JAK1: variants seen among roughly 807,000 people sequenced by gnomAD.
The protein encoded by JAK1 is tyrosine-protein kinase JAK1.
In JAK1, 16 loss-of-function variants were observed where a neutral mutation model predicts 136.6. That is an observed-to-expected ratio of 0.12 (90% CI 0.08 to 0.18). JAK1 has a LOEUF of 0.18. JAK1 is among the 10% of genes least tolerant of loss of function. JAK1 has a pLI of 1.00. For missense variants in JAK1, 859 were observed against 1,450.1 expected, an observed-to-expected ratio of 0.59 and a Z score of 6.62; for synonymous variants, 492 against 519.5, an observed-to-expected ratio of 0.95 and a Z score of 0.72.
At position 64,875,789 on chromosome 1, in the gene JAK1, G is replaced by T. The variant is rs550917881; in HGVS notation, c.330-2266C>A. Among the ~76,000 whole-genome samples the T allele has an allele frequency of 4.6e-5, 7 of 152,264 alleles. No individual in the cohort carries two copies. The South Asian group carries it at 1.0e-3, about 23-fold the overall frequency. ...TGGACTGTTCCCTTACCCTCCGCTG[G>T]TGACAGTGGAAAGCTAGGGCTATCA... is the stretch of plus-strand genomic sequence containing the variant. On this transcript the variant is annotated intron_variant, in intron 4 of 24. Transcript: ENST00000342505.
chr1:64,991,135 T>C (rs891167426), intron 2 of JAK1, among the ~76,000 whole-genome samples: 3 of 151,762 alleles, frequency 2.0e-5, no homozygotes, highest in South Asian at 2.1e-4. Flanking sequence ...AGTACAAAGA[T>C]AGAAGTTATG....
chr1:64,897,165 C>T (rs1645026338), intron 1 of JAK1, among the ~76,000 whole-genome samples: 1 of 151,820 alleles, frequency 6.6e-6, no homozygotes. Flanking sequence ...CACGATGGCT[C>T]ACGCCTGCAA....
chr1:65,017,184 G>C (rs1646898079), intron 2 of JAK1, among the ~76,000 whole-genome samples: 2 of 152,058 alleles, frequency 1.3e-5, no homozygotes. Context: ...TCATTAAATA[G>C]GCCAGGACTG....
At position 64,866,939 on chromosome 1, in the gene JAK1, T is replaced by C; in HGVS notation, c.917A>G (p.Asp306Gly). Residue 306 changes from aspartate to glycine, a missense_variant, in exon 7 of 25, where the codon GAC becomes GGC. Physicochemically the swap from Asp to Gly is moderately conservative, Grantham distance 94. This residue lies in a region of JAK1 where 353 missense variants were observed against 494.0 expected (regional missense o/e 0.71). Coordinates refer to ENST00000342505, the MANE Select transcript of JAK1 (RefSeq NM_002227.4). ...TTCGTAGTAGAGAACGTTTCCACCG[T>C]CATTCGAATGAAACCAATTCATCTC... ...ENEMNWFHSN[D>G]GGNVLYYEVM... 1.2e-6 allele frequency: 2 copies of C among 1,614,234 alleles called. No homozygotes were observed.
intron 3 of JAK1, among the ~76,000 whole-genome samples, chr1:64,880,816 G>A (rs1158823385): frequency 1.3e-5 from 2 of 151,974 alleles, no homozygotes; most frequent in Non-Finnish European, 2.9e-5. Context: ...GCGTGGTGGT[G>A]TGCACCTGTA....
At chr1:65,056,663 C>T (rs1015911648) in intron 1 of JAK1, among the ~76,000 whole-genome samples, 2 of 152,110 alleles carry the variant, frequency 1.3e-5, no homozygotes, top group African/African-American at 4.8e-5. Context: ...TGGCTCAATG[C>T]CTGTAATCTC....
At chr1:64,980,788 T>G (rs924514926) in intron 2 of JAK1, among the ~76,000 whole-genome samples, 2 of 152,046 alleles carry the variant, frequency 1.3e-5, no homozygotes, top group Non-Finnish European at 2.9e-5. Context: ...GAGTTCTCAT[T>G]GTTCAGTTCC....
chr1:64,984,523 C>A lies in JAK1; in HGVS notation c.-78+59957G>T. The A allele has an allele frequency of 6.3e-6, 2 of 316,320 alleles. No individual in the cohort carries two copies. Among genetic ancestry groups the A allele is most frequent in the Non-Finnish European group, 1.3e-5 (2 of 156,012 alleles). The allele number at this position is 316,320 out of a possible 1,614,324, so 19.6% of individuals were successfully genotyped here. ...TCAAGTAGCAGCATTCAGAAGCAGC[C>A]CTGGGTTCATCCTTATGAGGTCTCT... On this transcript the variant is annotated intron_variant, in intron 2 of 25. Transcript: ENST00000671954. The surrounding 1 kb of genome is among the most constrained non-coding windows in gnomAD (Gnocchi z 4.1).
At chr1:64,930,414 G>A (rs1645668745) in intron 1 of JAK1, among the ~76,000 whole-genome samples, 1 of 152,122 alleles carries the variant, frequency 6.6e-6, no homozygotes, top group African/African-American at 2.4e-5. Context: ...CATCATCACT[G>A]TTCATTAGAG....
chr1:64,947,764 A>C (rs762286454), intron 1 of JAK1, among the ~76,000 whole-genome samples: 2 of 152,070 alleles, frequency 1.3e-5, no homozygotes, highest in Non-Finnish European at 2.9e-5. Context: ...AGCTCTACTA[A>C]AACAGTAGTA....
intron 2 of JAK1, among the ~76,000 whole-genome samples, chr1:64,994,434 A>T (rs1035728524): frequency 6.6e-6 from 1 of 152,194 alleles, no homozygotes; most frequent in African/African-American, 2.4e-5. Flanking sequence ...TACAAAGAAC[A>T]GAGATTTATT....
At chr1:65,049,359 C>T (rs1178930021) in intron 1 of JAK1, among the ~76,000 whole-genome samples, 1 of 152,158 alleles carries the variant, frequency 6.6e-6, no homozygotes, top group South Asian at 2.1e-4. Flanking sequence ...AAGTTTGAGG[C>T]TGCAGTGAGC....
chr1:64,948,450 T>A (rs960411571), intron 1 of JAK1, among the ~76,000 whole-genome samples: 1 of 152,282 alleles, frequency 6.6e-6, no homozygotes, highest in Non-Finnish European at 1.5e-5. Flanking sequence ...ATCTTAAATG[T>A]GAACTGTGTT....
chr1:64,978,284 A>G (rs903732013), intron 2 of JAK1, among the ~76,000 whole-genome samples: 1 of 152,238 alleles, frequency 6.6e-6, no homozygotes, highest in Non-Finnish European at 1.5e-5. Context: ...TCTCAAAAAT[A>G]AAACAAACAA....
chr1:65,013,175 C>T, intron 2 of JAK1, among the ~76,000 whole-genome samples: 1 of 149,302 alleles, frequency 6.7e-6, no homozygotes, highest in Non-Finnish European at 1.5e-5. Context: ...GTGGGCAGAT[C>T]ACTTGAAGTC....
intron 1 of JAK1, among the ~76,000 whole-genome samples, chr1:64,936,828 G>A (rs756408497): frequency 5.9e-5 from 9 of 152,102 alleles, no homozygotes; most frequent in African/African-American, 9.7e-5. Context: ...GGTATCCCAC[G>A]TTGGTGAGAA....
At chr1:64,896,597 C>T (rs904746589) in intron 1 of JAK1, among the ~76,000 whole-genome samples, 1 of 152,140 alleles carries the variant, frequency 6.6e-6, no homozygotes. Context: ...TCAACAAAAA[C>T]GCATTGTGTA....
chr1:64,939,207 C>T (rs1271756428), intron 1 of JAK1, among the ~76,000 whole-genome samples: 1 of 152,244 alleles, frequency 6.6e-6, no homozygotes, highest in Non-Finnish European at 1.5e-5. Context: ...ACCCTGCTGC[C>T]TAGATTCAAC....
chr1:65,049,097 G>T (rs568160467), intron 1 of JAK1, among the ~76,000 whole-genome samples: 2 of 152,272 alleles, frequency 1.3e-5, no homozygotes, highest in East Asian at 3.9e-4. Context: ...GCCCCTTCCA[G>T]GGGCAGCTGT....
Sources: gnomAD v4.1 joint callset for allele counts (sites outside exome capture counted in the v4.1 genomes callset) on GRCh38, gnomAD v4.1.1 for gene constraint, gnomAD v4.1.1 regional missense constraint, Gnocchi (gnomAD v3.1) non-coding constraint, MANE v1.5 for transcripts, NCBI Gene and HGNC (gene_info 2026-07-23, HGNC 2026-07-21) for gene names.